The following RNF121 variants were observed in gnomAD, a reference collection of about 807,000 sequenced individuals.
The protein encoded by RNF121 is ring finger protein 121, also known as E3 ubiquitin ligase RNF121.
RNF121 carries 21 observed loss-of-function variants against 46.5 expected under a neutral mutation model. That is an observed-to-expected ratio of 0.45 (90% confidence interval 0.32 to 0.65). RNF121 has a LOEUF of 0.65. RNF121 is among the 30% of genes least tolerant of loss of function. The pLI is 0.04. For synonymous variants in RNF121, 139 were observed against 144.7 expected, an observed-to-expected ratio of 0.96 and a Z score of 0.28; for missense variants, 346 against 416.0, an observed-to-expected ratio of 0.83 and a Z score of 1.46.
At chr11:71,978,371 T>C (rs990155669) in intron 3 of RNF121, 4 of 214,630 alleles carry the variant, frequency 1.9e-5, no homozygotes, top group Middle Eastern at 4.7e-4. Context: ...CACTCCCTAA[T>C]GGAGATGGCC....
intron 4 of RNF121, among the ~76,000 whole-genome samples, chr11:71,984,019 A>T (rs574983777): frequency 2.6e-5 from 4 of 152,210 alleles, no homozygotes; most frequent in African/African-American, 4.8e-5. Context: ...AAGATACAGG[A>T]TGTGGAGCCA....
chr11:71,997,007 A>G lies in RNF121; in HGVS notation c.*692A>G, dbSNP rs1314305862. The G allele has an allele frequency of 6.6e-6, 1 of 152,214 alleles. No homozygotes were observed. Among genetic ancestry groups the G allele is most frequent in the Admixed American group, 6.5e-5 (1 of 15,290 alleles). The allele number at this position is 152,214 out of a possible 1,614,324, so 9.4% of individuals were successfully genotyped here. Reference sequence around the variant, plus strand: ...AACTGGAAGAATCAGCACCATGGATACTCGCCCGTGGGCAGGGCTGTGGTC... The same window carrying G: ...AACTGGAAGAATCAGCACCATGGATGCTCGCCCGTGGGCAGGGCTGTGGTC... On this transcript the variant is annotated 3_prime_UTR_variant, in exon 9 of 9. Coordinates refer to ENST00000361756, the MANE Select transcript of RNF121 (RefSeq NM_018320.5).
chr11:71,983,008 C>T (rs1954695636), intron 4 of RNF121, 93 bp downstream of exon 4: 1 of 1,268,170 alleles, frequency 7.9e-7, no homozygotes, highest in African/African-American at 1.5e-5. Flanking sequence ...GAAAAAATTC[C>T]TGGTTTTGTC....
intron 3 of RNF121, among the ~76,000 whole-genome samples, chr11:71,961,953 C>T (rs970804879): frequency 1.4e-5 from 2 of 146,574 alleles, no homozygotes; most frequent in Non-Finnish European, 3.0e-5. Context: ...ATAATTTTGG[C>T]TAATCTGCAA....
intron 3 of RNF121, among the ~76,000 whole-genome samples, chr11:71,981,998 G>A (rs537673699): frequency 9.2e-5 from 14 of 152,258 alleles, no homozygotes; most frequent in Non-Finnish European, 8.8e-5. Flanking sequence ...GGAAGGCTTC[G>A]TGTGTCTTGG....
intron 1 of RNF121, among the ~76,000 whole-genome samples, chr11:71,934,971 T>C (rs1953373687): frequency 6.7e-6 from 1 of 150,282 alleles, no homozygotes; most frequent in Non-Finnish European, 1.5e-5. Context: ...TTAGACAGTC[T>C]TGCTCTGCCA....
chr11:71,942,787 T>TAGATAGATATATATATATATATAG (rs58101667), intron 1 of RNF121, among the ~76,000 whole-genome samples: 1 of 144,948 alleles, frequency 6.9e-6, no homozygotes, highest in Non-Finnish European at 1.5e-5. Flanking sequence ...TATATATATA[T>TAGATAGATATATATATATATATAG]ATAGATATAT....
At chr11:71,952,312 G>A (rs753277810) in intron 1 of RNF121, among the ~76,000 whole-genome samples, 2 of 152,192 alleles carry the variant, frequency 1.3e-5, no homozygotes, top group Non-Finnish European at 2.9e-5. Flanking sequence ...GTTGCCTTGG[G>A]CTGCAGGGAA....
At position 71,968,872 on chromosome 11, in the gene RNF121, T is replaced by C. The variant is rs527281749; in HGVS notation, c.243+7981T>C. ...TTTTGGTACATCCTCCTAGGATTTT[T>C]CTTTTTTCTTTCTTTCTTTTTTTTT... On this transcript the variant is annotated intron_variant, in intron 3 of 8. Transcript: ENST00000361756. Among the ~76,000 whole-genome samples, 16 of 141,458 alleles carry C rather than the reference T, an allele frequency of 1.1e-4. No individual in the cohort carries two copies. The East Asian group carries it at 3.2e-3, about 28-fold the overall frequency. 92.8% of individuals were successfully genotyped at this position (141,458 alleles called of 152,430 possible).
intron 4 of RNF121, 175 bp downstream of exon 4, chr11:71,983,090 T>C (rs1954697617): frequency 2.2e-6 from 1 of 456,056 alleles, no homozygotes; most frequent in Non-Finnish European, 3.7e-6. Flanking sequence ...ATTTATCGAT[T>C]AAAAACCTCA....
intron 3 of RNF121, among the ~76,000 whole-genome samples, chr11:71,971,749 G>A (rs1271298080): frequency 2.0e-5 from 3 of 152,230 alleles, no homozygotes; most frequent in African/African-American, 4.8e-5. Flanking sequence ...CATCTATTAG[G>A]TTGGCAAAAG....
rs116205525 is a variant in RNF121, at chr11:71,982,985, A to G, written c.398+70A>G. On this transcript the variant is annotated intron_variant, in intron 4 of 8. Transcript: ENST00000361756. ...ATGGGTTGGAATGCATGGGAGGAGCATAGGTTTAGACTGAAAAAATTCCTG... is the reference window on the plus strand; with the variant it reads ...ATGGGTTGGAATGCATGGGAGGAGCGTAGGTTTAGACTGAAAAAATTCCTG... The G allele has an allele frequency of 1.6e-3, 2,416 of 1,473,402 alleles. 12 individuals carry two copies. In the Middle Eastern group the frequency reaches 0.017, roughly 10 times the overall value. 91.3% of individuals were successfully genotyped at this position (1,473,402 alleles called of 1,614,324 possible). A position where few individuals can be genotyped will look rare whatever the true frequency, so the allele number is the denominator to read the frequency against.
At chr11:71,978,973 C>G (rs1954591249) in intron 3 of RNF121, among the ~76,000 whole-genome samples, 1 of 152,196 alleles carries the variant, frequency 6.6e-6, no homozygotes, top group Admixed American at 6.5e-5. Flanking sequence ...CCTATTTGGA[C>G]TTCTAGAAAT....
chr11:71,948,399 C>T (rs1423403789), intron 1 of RNF121, among the ~76,000 whole-genome samples: 1 of 150,288 alleles, frequency 6.7e-6, no homozygotes, highest in Non-Finnish European at 1.5e-5. Context: ...CTTGTAGCCC[C>T]ACCTACTTGG....
chr11:71,941,075 G>T (rs1273504248), intron 1 of RNF121, among the ~76,000 whole-genome samples: 1 of 152,220 alleles, frequency 6.6e-6, no homozygotes, highest in Non-Finnish European at 1.5e-5. Context: ...GCTGTAGAGA[G>T]CCACTGAAGA....
intron 1 of RNF121, among the ~76,000 whole-genome samples, chr11:71,938,360 G>T (rs545438592): frequency 9.9e-6 from 1 of 100,812 alleles, no homozygotes; most frequent in Non-Finnish European, 1.9e-5. Context: ...CGCTCTTGTT[G>T]CCCAGGCTGG....
Position 71,996,749 on chromosome 11 carries a change from TGCAC to T in RNF121, c.*435_*438del. The T allele has an allele frequency of 5.4e-6, 1 of 185,094 alleles. No homozygotes were observed. The highest frequency in any genetic ancestry group is 9.2e-5 in the South Asian group (1 of 10,850). 11.5% of individuals were successfully genotyped at this position (185,094 alleles called of 1,614,324 possible). A position where few individuals can be genotyped will look rare whatever the true frequency, so the allele number is the denominator to read the frequency against. The stretch of plus-strand genomic sequence containing the variant: ...TTCCCTGTGTGGGGCTCAAGCCTGG[TGCAC>T]TTAGTATAGAAGAGCTAACGTACTC... On this transcript the variant is annotated 3_prime_UTR_variant, in exon 9 of 9. Coordinates refer to ENST00000361756, the MANE Select transcript of RNF121 (RefSeq NM_018320.5).
At chr11:71,996,096 C>G in intron 8 of RNF121, 99 bp from the exon 9 acceptor site, 1 of 1,414,802 alleles carries the variant, frequency 7.1e-7, no homozygotes, top group South Asian at 1.3e-5. Flanking sequence ...GGCTGTGGAG[C>G]AGCTGGAAAG....
At chr11:71,982,016 A>G (rs956690603) in intron 3 of RNF121, among the ~76,000 whole-genome samples, 12 of 152,114 alleles carry the variant, frequency 7.9e-5, no homozygotes, top group Non-Finnish European at 1.8e-4. Context: ...TGGATGTGAT[A>G]TTGTCAGGCA....
Sources: allele counts gnomAD v4.1 joint callset (sites outside exome capture counted in the v4.1 genomes callset), GRCh38; gene constraint gnomAD v4.1.1; transcripts MANE v1.5; gene names NCBI Gene and HGNC (gene_info 2026-07-23, HGNC 2026-07-21).